The following CHODL variants were observed in gnomAD, a reference collection of about 807,000 sequenced individuals.
The protein encoded by CHODL is chondrolectin, also known as transmembrane protein MT75.
Under a neutral mutation model 34.5 loss-of-function variants are expected in CHODL, and 29 were observed. The observed-to-expected ratio is 0.84, with a 90% CI of 0.63 to 1.15. The LOEUF is 1.15. Among genes scored for constraint, CHODL ranks in the 50% most tolerant of loss-of-function variants. The pLI is 0.00. For missense variants in CHODL, 332 were observed against 332.5 expected (o/e 1.00, Z 0.01); for synonymous variants, 125 against 116.1 (o/e 1.08, Z -0.49).
chr21:18,119,004 T>C (rs1206303281), intron 2 of CHODL, among the ~76,000 whole-genome samples: 1 of 152,170 alleles, frequency 6.6e-6, no homozygotes, highest in African/African-American at 2.4e-5. Context: ...ATAAATCTCT[T>C]TCCCCTCTTT....
intron 2 of CHODL, among the ~76,000 whole-genome samples, chr21:18,127,910 T>C (rs966514087): frequency 7.9e-5 from 12 of 151,818 alleles, no homozygotes; most frequent in African/African-American, 2.9e-4. Context: ...TGGGAGTTCC[T>C]GAAGGAGAGG....
chr21:18,064,069 G>A (rs1408943252), intron 2 of CHODL, among the ~76,000 whole-genome samples: 3 of 151,924 alleles, frequency 2.0e-5, no homozygotes, highest in South Asian at 2.1e-4. Flanking sequence ...TCCTTTATTC[G>A]CCTCCTCACT....
rs1218023730 is a variant in CHODL, at chr21:18,171,200, T to TC, written c.-44-85309_-44-85308insC. Among the ~76,000 whole-genome samples the TC allele has an allele frequency of 9.3e-4, 24 of 25,906 alleles. 8 individuals are homozygous for TC. Among genetic ancestry groups the TC allele is most frequent in the African/African-American group, 2.2e-3 (12 of 5,534 alleles). 17.0% of individuals were successfully genotyped at this position (25,906 alleles called of 152,430 possible). On this transcript the variant is annotated intron_variant, in intron 2 of 6. Transcript: ENST00000400127. ...TTCTTCAGACATGGTTTTCTTTAGT[T>TC]TTTTTTTTTTTTTTTTTGAGACGGA...
chr21:18,261,186 C>T (rs2074377837), intron 4 of CHODL, among the ~76,000 whole-genome samples: 1 of 152,166 alleles, frequency 6.6e-6, no homozygotes, highest in Non-Finnish European at 1.5e-5. Flanking sequence ...TTTTAATTTA[C>T]AAGCTAAATG....
chr21:18,098,608 C>T (rs1032605251), intron 2 of CHODL, among the ~76,000 whole-genome samples: 4 of 151,866 alleles, frequency 2.6e-5, no homozygotes, highest in African/African-American at 9.7e-5. Context: ...AGAAGAGAAC[C>T]CTCATATACT....
At position 18,059,493 on chromosome 21, in the gene CHODL, C is replaced by CT. The variant is rs11316292; in HGVS notation, c.-45+31538dup. ...ACTGCCTAAAACTCAAACTCATGAT[C>CT]TTTTTTTTTTTTTTTTCCAACTTTT... On this transcript the variant is annotated intron_variant, in intron 2 of 6. Coordinates refer to the CHODL transcript ENST00000400127. Among the ~76,000 whole-genome samples, 707 of 142,946 alleles carry CT rather than the reference C, an allele frequency of 4.9e-3. 7 individuals are homozygous for CT. Among genetic ancestry groups the CT allele is most frequent in the African/African-American group, 0.013 (499 of 38,828 alleles). The allele number at this position is 142,946 out of a possible 152,430, so 93.8% of individuals were successfully genotyped here.
chr21:18,146,023 C>G (rs535602405), intron 2 of CHODL, among the ~76,000 whole-genome samples: 1 of 152,194 alleles, frequency 6.6e-6, no homozygotes, highest in Admixed American at 6.5e-5. Context: ...GGCTGGAGTG[C>G]AGTGGAGCAA....
intron 2 of CHODL, among the ~76,000 whole-genome samples, chr21:18,095,095 G>A (rs946338342): frequency 2.6e-5 from 4 of 151,218 alleles, no homozygotes; most frequent in Admixed American, 1.3e-4. Context: ...CTGCACTCTA[G>A]CCTGGATGAC....
upstream of CHODL, among the ~76,000 whole-genome samples, chr21:18,240,439 T>G (rs2074070754): frequency 1.3e-5 from 2 of 152,134 alleles, no homozygotes; most frequent in African/African-American, 4.8e-5. Context: ...AAGATCAGAT[T>G]AATGAAAAAT....
Position 18,245,223 on chromosome 21 carries a change from G to A in CHODL, c.-1G>A, listed in dbSNP as rs1166644122. The A allele has an allele frequency of 1.4e-6, 2 of 1,462,336 alleles. No homozygotes were observed. The highest frequency in any genetic ancestry group is 1.8e-6 in the Non-Finnish European group (2 of 1,106,296). The allele number at this position is 1,462,336 out of a possible 1,614,324, so 90.6% of individuals were successfully genotyped here. ...ACACCTGCTGCTGCCACCGCGCCGCGATGAGCCGCGTGGTCTCGCTGCTGC... is the reference window on the plus strand; with the variant it reads ...ACACCTGCTGCTGCCACCGCGCCGCAATGAGCCGCGTGGTCTCGCTGCTGC... On this transcript the variant is annotated 5_prime_UTR_variant, in exon 1 of 6. Transcript: ENST00000299295.
chr21:18,090,212 A>C (rs535467916), intron 2 of CHODL, among the ~76,000 whole-genome samples: 5 of 152,342 alleles, frequency 3.3e-5, no homozygotes, highest in African/African-American at 1.2e-4. Flanking sequence ...AACATAAAAC[A>C]TGGGCAAAAC....
chr21:17,921,206 G>A (rs911658119), intron 1 of CHODL, among the ~76,000 whole-genome samples: 1 of 152,222 alleles, frequency 6.6e-6, no homozygotes, highest in African/African-American at 2.4e-5. Context: ...CCAATGAAAT[G>A]TGAAGGTAGT....
At position 18,151,749 on chromosome 21, in the gene CHODL, C is replaced by T. The variant is rs75462400; in HGVS notation, c.-44-104760C>T. Among the ~76,000 whole-genome samples the T allele has an allele frequency of 2.7e-3, 411 of 152,228 alleles. 5 individuals are homozygous for T. The East Asian group carries it at 0.046, about 17-fold the overall frequency. ...GAATTGGAGGACACCCAGCTGGGGTCCACTACAGAAGTGATTGCTTGCTTG... is the reference window on the plus strand; with the variant it reads ...GAATTGGAGGACACCCAGCTGGGGTTCACTACAGAAGTGATTGCTTGCTTG... On this transcript the variant is annotated intron_variant, in intron 2 of 6. Coordinates refer to the CHODL transcript ENST00000400127.
At chr21:18,041,917 A>T (rs1174869739) in intron 2 of CHODL, among the ~76,000 whole-genome samples, 2 of 151,874 alleles carry the variant, frequency 1.3e-5, no homozygotes, top group East Asian at 3.9e-4. Context: ...ACTATATGAG[A>T]AAGCGTTTGT....
Position 17,988,401 on chromosome 21 carries a change from T to TTG in CHODL, c.-144-39470_-144-39469insGT, listed in dbSNP as rs553431998. 7.1e-3 allele frequency among the ~76,000 whole-genome samples: 783 copies of TTG among 110,126 alleles called. 10 individuals carry two copies. Among genetic ancestry groups the TTG allele is most frequent in the African/African-American group, 0.021 (515 of 24,014 alleles). The allele number at this position is 110,126 out of a possible 152,430, so 72.2% of individuals were successfully genotyped here. ...TTTTTTTTTCCCTTTTTTCCTTTTT[T>TTG]TTTATTATTATTATACTTTAAGTTT... is the stretch of plus-strand genomic sequence containing the variant. On this transcript the variant is annotated intron_variant, in intron 1 of 6. Coordinates refer to the CHODL transcript ENST00000400127.
intron 2 of CHODL, among the ~76,000 whole-genome samples, chr21:18,044,348 A>T (rs755550907): frequency 7.9e-5 from 12 of 152,046 alleles, no homozygotes; most frequent in Non-Finnish European, 1.6e-4. Flanking sequence ...CTAATAATTT[A>T]AAATATTAAT....
At position 18,193,538 on chromosome 21, in the gene CHODL, A is replaced by G. The variant is rs569807339; in HGVS notation, c.-44-62971A>G. On this transcript the variant is annotated intron_variant, in intron 2 of 6. Coordinates refer to the CHODL transcript ENST00000400127. ...GTGAAACCCAGTCTCTACTAAAAAA[A>G]TACAAAAATTAGCCACACATGGTGG... Among the ~76,000 whole-genome samples, 68 of 151,886 alleles carry G rather than the reference A, an allele frequency of 4.5e-4. 1 individual carries two copies. The South Asian group carries it at 0.013, about 29-fold the overall frequency.
intron 1 of CHODL, among the ~76,000 whole-genome samples, chr21:18,026,221 A>C (rs527391058): frequency 4.6e-5 from 7 of 152,312 alleles, no homozygotes; most frequent in African/African-American, 1.7e-4. Context: ...TCAACCTCAG[A>C]GCTCTCTACA....
chr21:17,988,990 G>T (rs2146385314), intron 1 of CHODL, among the ~76,000 whole-genome samples: 1 of 152,234 alleles, frequency 6.6e-6, no homozygotes, highest in East Asian at 1.9e-4. Flanking sequence ...TTCCACAATG[G>T]TTGAACTACC....
Sources: allele counts gnomAD v4.1 joint callset (sites outside exome capture counted in the v4.1 genomes callset), GRCh38; gene constraint gnomAD v4.1.1; transcripts MANE v1.5; gene names NCBI Gene and HGNC (gene_info 2026-07-23, HGNC 2026-07-21).